Variants in IQGAP2 observed in about 807,000 individuals in gnomAD.
The protein encoded by IQGAP2 is IQ motif containing GTPase activating protein 2, also known as ras GTPase-activating-like protein IQGAP2.
In IQGAP2, 173 loss-of-function variants were observed where a neutral mutation model predicts 201.3. That is an observed-to-expected ratio of 0.86 (90% CI 0.76 to 0.98). The LOEUF (loss-of-function observed/expected upper bound fraction) is 0.98, where lower values mean the gene tolerates loss of function less well. IQGAP2 is among the 50% of genes least tolerant of loss of function. The pLI is 0.00. For synonymous variants in IQGAP2, 675 were observed against 673.9 expected (o/e 1.00, Z -0.03); for missense variants, 1,687 against 1,864.8 (o/e 0.90, Z 1.76).
intron 2 of IQGAP2, among the ~76,000 whole-genome samples, chr5:76,532,721 A>G (rs1759384338): frequency 6.6e-6 from 1 of 152,168 alleles, no homozygotes; most frequent in South Asian, 2.1e-4. Context: ...ACCTGAAACA[A>G]GCCCTGGACT....
chr5:76,665,734 C>T (rs1743699191), intron 22 of IQGAP2, among the ~76,000 whole-genome samples: 2 of 152,176 alleles, frequency 1.3e-5, no homozygotes, highest in African/African-American at 4.8e-5. Flanking sequence ...TTTTCCATTG[C>T]TTCCTGAGTG....
chr5:76,628,169 G>A (rs1398469285), intron 14 of IQGAP2, among the ~76,000 whole-genome samples: 1 of 152,154 alleles, frequency 6.6e-6, no homozygotes, highest in East Asian at 1.9e-4. Context: ...TCCCCCAAAG[G>A]GACCTATGGC....
intron 1 of IQGAP2, among the ~76,000 whole-genome samples, chr5:76,433,095 T>C (rs1448126008): frequency 6.6e-6 from 1 of 152,220 alleles, no homozygotes; most frequent in Non-Finnish European, 1.5e-5. Flanking sequence ...GCAAGAATTG[T>C]GGGGTACCTG....
intron 25 of IQGAP2, 21 bp downstream of exon 25, chr5:76,673,610 G>A: frequency 1.9e-6 from 3 of 1,611,238 alleles, no homozygotes; most frequent in Non-Finnish European, 2.5e-6. Context: ...CTTGCAGCAA[G>A]TTTAACATTC....
chr5:76,429,845 T>A (rs187948452), intron 1 of IQGAP2, among the ~76,000 whole-genome samples: 1 of 125,756 alleles, frequency 8.0e-6, no homozygotes, highest in Non-Finnish European at 1.6e-5. Flanking sequence ...TCCAGCTGAA[T>A]GAAAAGGAGA....
At chr5:76,467,415 G>A (rs1330055697) in intron 2 of IQGAP2, among the ~76,000 whole-genome samples, 2 of 152,060 alleles carry the variant, frequency 1.3e-5, no homozygotes, top group Non-Finnish European at 2.9e-5. Context: ...AGTCATCAGG[G>A]AAATACAAAT....
chr5:76,538,248 C>T (rs1187221135), intron 2 of IQGAP2, among the ~76,000 whole-genome samples: 6 of 152,284 alleles, frequency 3.9e-5, no homozygotes, highest in Middle Eastern at 6.8e-3. Context: ...AAGAAAGACC[C>T]GCCTCCATGA....
chr5:76,429,067 ACT>A (rs1368522765), intron 1 of IQGAP2, among the ~76,000 whole-genome samples: 3 of 92,134 alleles, frequency 3.3e-5, no homozygotes, highest in Non-Finnish European at 7.5e-5. Context: ...TGACAGCGAG[ACT>A]CTGTCTCAAA....
intron 28 of IQGAP2, among the ~76,000 whole-genome samples, chr5:76,680,990 C>T (rs1745232495): frequency 6.7e-6 from 1 of 149,798 alleles, no homozygotes; most frequent in African/African-American, 2.5e-5. Context: ...CCTGTAATCC[C>T]AGCTACTCGG....
intron 17 of IQGAP2, among the ~76,000 whole-genome samples, chr5:76,645,551 G>A (rs1192976804): frequency 2.0e-5 from 3 of 152,150 alleles, no homozygotes; most frequent in Non-Finnish European, 2.9e-5. Flanking sequence ...TCCAACTGGC[G>A]TGAGATGGTA....
intron 1 of IQGAP2, among the ~76,000 whole-genome samples, chr5:76,443,258 A>G (rs1190404179): frequency 1.3e-5 from 2 of 152,200 alleles, no homozygotes; most frequent in Non-Finnish European, 2.9e-5. Flanking sequence ...TCAACATAAC[A>G]GTTCTCTGGT....
chr5:76,429,603 T>TA (rs1246147459), intron 1 of IQGAP2, among the ~76,000 whole-genome samples: 3 of 144,112 alleles, frequency 2.1e-5, no homozygotes, highest in African/African-American at 2.6e-5. Flanking sequence ...TATATGTATA[T>TA]TTATATATAT....
At chr5:76,454,537 C>T (rs6892349) in intron 1 of IQGAP2, among the ~76,000 whole-genome samples, 97 of 150,242 alleles carry the variant, frequency 6.5e-4, no homozygotes, top group African/African-American at 2.2e-3. Flanking sequence ...TGAGAACATG[C>T]GGTGTTTGGT....
chr5:76,632,379 G>C (rs1202578269), intron 15 of IQGAP2, among the ~76,000 whole-genome samples: 1 of 152,150 alleles, frequency 6.6e-6, no homozygotes, highest in African/African-American at 2.4e-5. Flanking sequence ...TGATTGCACA[G>C]TATTAAGTAG....
intron 2 of IQGAP2, among the ~76,000 whole-genome samples, chr5:76,539,585 A>G (rs1448175120): frequency 2.0e-5 from 3 of 151,978 alleles, no homozygotes; most frequent in African/African-American, 7.3e-5. Context: ...CCCAACCCCT[A>G]CCTGGTTGGG....
At chr5:76,687,996 T>A (rs1396182150) in intron 30 of IQGAP2, among the ~76,000 whole-genome samples, 1 of 152,202 alleles carries the variant, frequency 6.6e-6, no homozygotes, top group Non-Finnish European at 1.5e-5. Context: ...CCAAAAGGGT[T>A]GGGGACCACT....
At chr5:76,546,869 T>A (rs1218984925) in intron 2 of IQGAP2, among the ~76,000 whole-genome samples, 2 of 152,178 alleles carry the variant, frequency 1.3e-5, no homozygotes, top group Non-Finnish European at 2.9e-5. Flanking sequence ...TGTGTGTCAG[T>A]GAAGAGGAAG....
intron 2 of IQGAP2, among the ~76,000 whole-genome samples, chr5:76,495,968 A>G (rs932396978): frequency 6.6e-6 from 1 of 152,216 alleles, no homozygotes; most frequent in Non-Finnish European, 1.5e-5. Context: ...AAACCGTATC[A>G]GGTAGTGTTG....
rs1372888186 is a variant in IQGAP2 at position 76,539,375 on chromosome 5, T to G, written c.147-23021T>G. ...AAAATGGGTACCAGTCTCATGCTCA[T>G]GGGTGTGCCCCCACTCCAGGGACTG... On this transcript the variant is annotated intron_variant, in intron 2 of 35. Coordinates refer to ENST00000274364, the MANE Select transcript of IQGAP2 (RefSeq NM_006633.5). 2.6e-5 allele frequency among the ~76,000 whole-genome samples: 4 copies of G among 152,306 alleles called. No individual in the cohort carries two copies. In the East Asian group the frequency reaches 7.7e-4, roughly 29 times the overall value.
Sources: gnomAD v4.1 joint callset for allele counts (sites outside exome capture counted in the v4.1 genomes callset) on GRCh38, gnomAD v4.1.1 for gene constraint, MANE v1.5 for transcripts, NCBI Gene and HGNC (gene_info 2026-07-23, HGNC 2026-07-21) for gene names.